SORCS1: variants seen among roughly 807,000 people sequenced by gnomAD.
SORCS1 encodes the protein sortilin related VPS10 domain containing receptor 1, also known as VPS10 domain-containing receptor SorCS1.
In SORCS1, 60 loss-of-function variants were observed where a neutral mutation model predicts 146.1. The observed-to-expected ratio is 0.41, with a 90% CI of 0.33 to 0.51. The LOEUF is 0.51. Ranked by LOEUF, SORCS1 falls within the 20% of genes least tolerant of loss-of-function variation. The pLI is 0.21. For missense variants in SORCS1, 1,352 were observed against 1,487.6 expected (o/e 0.91, Z 1.50); for synonymous variants, 637 against 584.0 (o/e 1.09, Z -1.31).
chr10:106,598,541 T>A (rs973324128), intron 23 of SORCS1, among the ~76,000 whole-genome samples: 6 of 152,096 alleles, frequency 3.9e-5, no homozygotes, highest in Non-Finnish European at 2.9e-5. Flanking sequence ...ATTACAGGCA[T>A]GAGCCACTGC....
chr10:107,129,590 T>C (rs916814686), intron 1 of SORCS1, among the ~76,000 whole-genome samples: 1 of 152,198 alleles, frequency 6.6e-6, no homozygotes, highest in Non-Finnish European at 1.5e-5. Context: ...ATAATTTAAG[T>C]TTTAAATTTT....
At chr10:106,767,885 A>G (rs1187315727) in intron 4 of SORCS1, among the ~76,000 whole-genome samples, 2 of 152,246 alleles carry the variant, frequency 1.3e-5, no homozygotes, top group Non-Finnish European at 2.9e-5. Context: ...TTCAAAGCCT[A>G]CAAAACTATT....
chr10:106,820,909 T>C (rs1184058136), intron 3 of SORCS1, among the ~76,000 whole-genome samples: 1 of 152,176 alleles, frequency 6.6e-6, no homozygotes. Flanking sequence ...CCAGAAATAA[T>C]GCATTTGACC....
intron 1 of SORCS1, among the ~76,000 whole-genome samples, chr10:107,044,236 A>G (rs371453037): frequency 6.6e-5 from 10 of 152,238 alleles, no homozygotes; most frequent in African/African-American, 2.4e-4. Flanking sequence ...ATAAATGCCT[A>G]GTCATCACCT....
At chr10:106,755,699 G>T (rs947230108) in intron 5 of SORCS1, among the ~76,000 whole-genome samples, 1 of 151,918 alleles carries the variant, frequency 6.6e-6, no homozygotes, top group Non-Finnish European at 1.5e-5. Flanking sequence ...TCAATTCTTG[G>T]GGTAGATATG....
chr10:107,010,441 T>TTTGC (rs1370347687), intron 1 of SORCS1, among the ~76,000 whole-genome samples: 1 of 151,878 alleles, frequency 6.6e-6, no homozygotes, highest in African/African-American at 2.4e-5. Flanking sequence ...ATTTTTTTTG[T>TTTGC]TTCCGTAGTT....
intron 1 of SORCS1, among the ~76,000 whole-genome samples, chr10:107,087,028 AAAAC>A (rs1375443207): frequency 2.6e-5 from 4 of 152,354 alleles, no homozygotes; most frequent in African/African-American, 4.8e-5. Context: ...ACTTCGTCTC[AAAAC>A]AAACAAACAA....
chr10:107,069,148 C>T (rs17195957), intron 1 of SORCS1, among the ~76,000 whole-genome samples: 1,569 of 152,184 alleles, frequency 0.01, 15 homozygotes, highest in South Asian at 0.028. Context: ...TGAATAAGCA[C>T]GTCCAGAGGA....
intron 1 of SORCS1, among the ~76,000 whole-genome samples, chr10:106,986,481 G>A (rs892146638): frequency 6.6e-6 from 1 of 151,352 alleles, no homozygotes; most frequent in Non-Finnish European, 1.5e-5. Flanking sequence ...TACCTAATAT[G>A]AAGTTGATTC....
Position 107,164,558 on chromosome 10 carries a change from C to G in SORCS1, c.-32G>C. 1 of 1,324,888 alleles carries G rather than the reference C, an allele frequency of 7.5e-7. No homozygotes were observed. The highest frequency in any genetic ancestry group is 9.6e-7 in the Non-Finnish European group (1 of 1,043,066). The allele number at this position is 1,324,888 out of a possible 1,614,324, so 82.1% of individuals were successfully genotyped here. A position where few individuals can be genotyped will look rare whatever the true frequency, so the allele number is the denominator to read the frequency against. ...AGCGAAGAGCAGCGGAGAGAGGGGT[C>G]CCAGAACGAAGGTGGCGGCACGAGC... On this transcript the variant is annotated 5_prime_UTR_variant, in exon 1 of 26. Coordinates refer to ENST00000263054, the MANE Select transcript of SORCS1 (RefSeq NM_052918.5). The surrounding 1 kb of genome is among the most constrained non-coding windows in gnomAD (Gnocchi z 6.8).
intron 2 of SORCS1, among the ~76,000 whole-genome samples, chr10:106,926,417 C>T (rs1400584787): frequency 6.6e-6 from 1 of 152,066 alleles, no homozygotes; most frequent in Non-Finnish European, 1.5e-5. Flanking sequence ...TCCTGAGCCT[C>T]AACTGTCTCA....
intron 22 of SORCS1, among the ~76,000 whole-genome samples, chr10:106,610,576 A>G: frequency 6.6e-6 from 1 of 152,196 alleles, no homozygotes; most frequent in Non-Finnish European, 1.5e-5. Context: ...ATCAGGAGTT[A>G]TCTGAATGCC....
rs1265663576 is a variant in SORCS1, at chr10:107,164,553, G to A, written c.-27C>T. The A allele has an allele frequency of 2.3e-5, 30 of 1,331,282 alleles. No individual in the cohort carries two copies. Among genetic ancestry groups the A allele is most frequent in the Non-Finnish European group, 2.6e-5 (27 of 1,047,310 alleles). The allele number at this position is 1,331,282 out of a possible 1,614,324, so 82.5% of individuals were successfully genotyped here. On this transcript the variant is annotated 5_prime_UTR_variant, in exon 1 of 26. Coordinates refer to ENST00000263054, the MANE Select transcript of SORCS1 (RefSeq NM_052918.5). This position sits in a 1 kb window ranked among gnomAD's most constrained non-coding sequence, Gnocchi z 6.8. ...GCGGGAGCGAAGAGCAGCGGAGAGA[G>A]GGGTCCCAGAACGAAGGTGGCGGCA...
chr10:106,858,829 G>A (rs1949893497), intron 2 of SORCS1, among the ~76,000 whole-genome samples: 1 of 152,128 alleles, frequency 6.6e-6, no homozygotes, highest in Non-Finnish European at 1.5e-5. Context: ...ATCTTTTTAG[G>A]AGCAAATTGG....
intron 3 of SORCS1, among the ~76,000 whole-genome samples, 195 bp downstream of exon 3, chr10:106,829,379 C>T (rs1307114051): frequency 2.6e-5 from 4 of 152,170 alleles, no homozygotes; most frequent in Non-Finnish European, 5.9e-5. Context: ...CTATCCCTCA[C>T]CCTCTTACAT....
chr10:106,784,560 A>G (rs757572818), intron 3 of SORCS1, among the ~76,000 whole-genome samples: 7 of 152,166 alleles, frequency 4.6e-5, no homozygotes, highest in East Asian at 1.9e-4. Flanking sequence ...TTCCAACCCA[A>G]TCAGAACACA....
chr10:107,021,470 C>T (rs540446399), intron 1 of SORCS1, among the ~76,000 whole-genome samples: 119 of 139,204 alleles, frequency 8.5e-4, no homozygotes, highest in Middle Eastern at 3.9e-3. Context: ...GCCGAGAACT[C>T]GCCACTGCAC....
rs904665389 is a variant in SORCS1, at chr10:107,060,782, T to TAA, written c.558+103186_558+103187insTT. 6.6e-6 allele frequency among the ~76,000 whole-genome samples: 1 copy of TAA among 152,196 alleles called. No individual in the cohort carries two copies. The highest frequency in any genetic ancestry group is 2.4e-5 in the African/African-American group (1 of 41,446). ...GTGACTCATTTAGCACTTCCTTTAT[T>TAA]ATCTCATACCGTGTCTTTCTTTTCA... is the stretch of plus-strand genomic sequence containing the variant. On this transcript the variant is annotated intron_variant, in intron 1 of 25. Transcript: ENST00000263054. The surrounding 1 kb of genome is among the most constrained non-coding windows in gnomAD (Gnocchi z 4.1).
Position 106,607,231 on chromosome 10 carries a change from G to A in SORCS1, c.3100C>T (p.Leu1034Phe), listed in dbSNP as rs779173111. The A allele has an allele frequency of 1.2e-6, 2 of 1,614,156 alleles. No individual in the cohort carries two copies. The highest frequency in any genetic ancestry group is 3.3e-5 in the Admixed American group (2 of 60,022). ...GGATCCTGATAGGGTAGGACAAAGA[G>A]TTCAGCAGTGGTGGGTAAGCCAGGG... is the stretch of plus-strand genomic sequence containing the variant. ...VLPGLPTTAE[L>F]FVLPYQDPAG... The change falls in exon 23 of 26, where the codon CTC becomes TTC. Residue 1034 changes from leucine (L) to phenylalanine (F), a missense_variant. Leu to Phe is a conservative substitution (Grantham distance 22). This residue lies in a region of SORCS1 where 214 missense variants were observed against 204.8 expected (regional missense o/e 1.05). Coordinates refer to ENST00000263054, the MANE Select transcript of SORCS1 (RefSeq NM_052918.5).
Sources: gnomAD v4.1 joint callset for allele counts (sites outside exome capture counted in the v4.1 genomes callset) on GRCh38, gnomAD v4.1.1 for gene constraint, gnomAD v4.1.1 regional missense constraint, Gnocchi (gnomAD v3.1) non-coding constraint, MANE v1.5 for transcripts, NCBI Gene and HGNC (gene_info 2026-07-23, HGNC 2026-07-21) for gene names.